Variants in SPTBN1 observed in about 807,000 individuals in gnomAD.
SPTBN1 encodes the protein spectrin beta, non-erythrocytic 1, also known as spectrin beta chain, non-erythrocytic 1.
A neutral mutation model predicts 266.4 loss-of-function variants in SPTBN1; 32 were observed. The ratio of observed to expected loss-of-function variants is 0.12; its 90% CI spans 0.09 to 0.16. SPTBN1 has a LOEUF of 0.16. Among genes scored for constraint, SPTBN1 ranks in the 10% least tolerant of loss-of-function variants. The pLI is 1.00. For synonymous variants in SPTBN1, 1,336 were observed against 1,162.2 expected (o/e 1.15, Z -3.04); for missense variants, 2,296 against 3,067.1 (o/e 0.75, Z 5.94).
chr2:54,661,479 G>C (rs182015606), intron 32 of SPTBN1: 35 of 985,640 alleles, frequency 3.6e-5, no homozygotes, highest in Non-Finnish European at 4.1e-5. Flanking sequence ...ATAGCATCTT[G>C]TTTGTTTTTC....
chr2:54,602,895 A>G (rs1178726814), intron 3 of SPTBN1, among the ~76,000 whole-genome samples: 2 of 152,194 alleles, frequency 1.3e-5, no homozygotes, highest in East Asian at 1.9e-4. Flanking sequence ...ACTGGTACAT[A>G]TTGTTTATTG....
chr2:54,654,482 G>A (rs1471465718), intron 27 of SPTBN1, among the ~76,000 whole-genome samples: 1 of 152,168 alleles, frequency 6.6e-6, no homozygotes, highest in Non-Finnish European at 1.5e-5. Context: ...GAGAAACTAT[G>A]CTGCAATAAA....
rs1680449177 is a variant in SPTBN1, at chr2:54,653,569, CCA to C, written c.5578-39_5578-38del. On this transcript the variant is annotated intron_variant, in intron 26 of 35. Transcript: ENST00000356805. The surrounding 1 kb of genome is among the most constrained non-coding windows in gnomAD (Gnocchi z 5.1). ...GCTTGGGGTGATGGTGGGAAGGCCG[CCA>C]TGGGCTGACCTGGCTCATCCCCTAC... is the stretch of plus-strand genomic sequence containing the variant. 6.2e-7 allele frequency: 1 copy of C among 1,602,364 alleles called. No individual in the cohort carries two copies. Among genetic ancestry groups the C allele is most frequent in the African/African-American group, 1.3e-5 (1 of 74,192 alleles).
At chr2:54,647,906 C>T (rs997587924) in intron 24 of SPTBN1, among the ~76,000 whole-genome samples, 1 of 152,120 alleles carries the variant, frequency 6.6e-6, no homozygotes, top group African/African-American at 2.4e-5. Flanking sequence ...AGTCATAGCA[C>T]TTACACTTGG....
chr2:54,473,962 G>T (rs999964104), intron 1 of SPTBN1, among the ~76,000 whole-genome samples: 2 of 152,196 alleles, frequency 1.3e-5, no homozygotes, highest in Admixed American at 6.5e-5. Context: ...TCTACTGGGG[G>T]ATGCAGTCAG....
chr2:54,566,204 G>A (rs1043760263), intron 2 of SPTBN1, among the ~76,000 whole-genome samples: 1 of 38,276 alleles, frequency 2.6e-5, no homozygotes, highest in Non-Finnish European at 5.8e-5. Flanking sequence ...TTTTTTTTTT[G>A]TTGAGATGGA....
chr2:54,535,655 C>G (rs1000868847), intron 2 of SPTBN1, among the ~76,000 whole-genome samples: 3 of 152,222 alleles, frequency 2.0e-5, no homozygotes, highest in South Asian at 2.1e-4. Flanking sequence ...TCTGTAAAAG[C>G]TACTAGTACC....
At chr2:54,543,781 C>A (rs907234547) in intron 2 of SPTBN1, among the ~76,000 whole-genome samples, 1 of 151,942 alleles carries the variant, frequency 6.6e-6, no homozygotes, top group Admixed American at 6.6e-5. Context: ...ATTGGTCCCC[C>A]CTCCCACCCC....
chr2:54,458,993 C>CT (rs769185620), intron 1 of SPTBN1, among the ~76,000 whole-genome samples: 14 of 152,244 alleles, frequency 9.2e-5, no homozygotes, highest in African/African-American at 2.6e-4. Context: ...AAATATGAGA[C>CT]TTTTTGTGCT....
intron 1 of SPTBN1, among the ~76,000 whole-genome samples, chr2:54,476,957 A>T (rs1425932486): frequency 6.6e-6 from 1 of 152,062 alleles, no homozygotes; most frequent in Non-Finnish European, 1.5e-5. Context: ...CTTTGACCAC[A>T]TATCTTAGTG....
intron 2 of SPTBN1, among the ~76,000 whole-genome samples, chr2:54,591,618 C>CTTTT (rs1045997587): frequency 6.6e-5 from 10 of 152,054 alleles, no homozygotes; most frequent in Admixed American, 5.9e-4. Flanking sequence ...TCTATGTTTC[C>CTTTT]TTTTTTTTCC....
chr2:54,526,873 A>T, intron 2 of SPTBN1: 1 of 235,556 alleles, frequency 4.2e-6, no homozygotes, highest in Non-Finnish European at 8.3e-6. Flanking sequence ...ATATCAAAGC[A>T]TACTATTCCT....
At position 54,629,038 on chromosome 2, in the gene SPTBN1, A is replaced by G; in HGVS notation, c.1904A>G (p.Glu635Gly). 1 of 1,613,636 alleles carries G rather than the reference A, an allele frequency of 6.2e-7. No individual in the cohort carries two copies. Residue 635 changes from glutamate (E) to glycine (G), a missense_variant, in exon 14 of 36, where the codon GAA becomes GGA. By Grantham distance (98) the Glu-to-Gly change is moderately conservative. Around this residue, in one of 12 missense-constraint regions of SPTBN1, gnomAD observed 434 missense variants for 573.9 expected, o/e 0.76. Coordinates refer to ENST00000356805, the MANE Select transcript of SPTBN1 (RefSeq NM_003128.3). ...QLAAERRARL[E>G]ESRRLWKFFW... ...GCGGCTGAGCGCAGGGCCCGTCTGG[A>G]AGAGTCCCGCCGCCTCTGGAAGTTC...
At chr2:54,572,237 G>A (rs1029954823) in intron 2 of SPTBN1, among the ~76,000 whole-genome samples, 6 of 152,100 alleles carry the variant, frequency 3.9e-5, no homozygotes, top group Non-Finnish European at 8.8e-5. Flanking sequence ...TGAATGAGAT[G>A]GGGCAAGAAT....
intron 1 of SPTBN1, among the ~76,000 whole-genome samples, chr2:54,486,750 GAA>G (rs969063999): frequency 1.3e-5 from 2 of 148,744 alleles, no homozygotes; most frequent in Non-Finnish European, 3.0e-5. Flanking sequence ...AAAAAAAAAA[GAA>G]AATCTAAGTT....
At chr2:54,459,633 C>G (rs891987554) in intron 1 of SPTBN1, among the ~76,000 whole-genome samples, 1 of 152,106 alleles carries the variant, frequency 6.6e-6, no homozygotes, top group African/African-American at 2.4e-5. Context: ...CATGATGCTC[C>G]TTTAATTATG....
chr2:54,658,317 T>G (rs1250766786), intron 30 of SPTBN1, among the ~76,000 whole-genome samples: 1 of 152,152 alleles, frequency 6.6e-6, no homozygotes, highest in Non-Finnish European at 1.5e-5. Flanking sequence ...GGTGTTTGCT[T>G]TTTTCTTCGA....
Position 54,558,439 on chromosome 2 carries a change from C to T in SPTBN1, c.148+31873C>T. 9.7e-7 allele frequency: 1 copy of T among 1,029,266 alleles called. No homozygotes were observed. Among genetic ancestry groups the T allele is most frequent in the Non-Finnish European group, 1.2e-6 (1 of 858,892 alleles). The allele number at this position is 1,029,266 out of a possible 1,614,324, so 63.8% of individuals were successfully genotyped here. A position where few individuals can be genotyped will look rare whatever the true frequency, so the allele number is the denominator to read the frequency against. ...GAGCTCCCGGGCTCGGCAACCGTGG[C>T]ATGCTTAGGATTGGCCATATTTAAA... is the stretch of plus-strand genomic sequence containing the variant. On this transcript the variant is annotated intron_variant, in intron 2 of 35. Coordinates refer to ENST00000356805, the MANE Select transcript of SPTBN1 (RefSeq NM_003128.3). The surrounding 1 kb of genome is among the most constrained non-coding windows in gnomAD (Gnocchi z 4.6).
chr2:54,502,059 T>A (rs1418057940), intron 1 of SPTBN1, among the ~76,000 whole-genome samples: 1 of 152,156 alleles, frequency 6.6e-6, no homozygotes, highest in South Asian at 2.1e-4. Context: ...TGCTAAACTC[T>A]GAGAGAGAGA....
Sources: allele counts gnomAD v4.1 joint callset (sites outside exome capture counted in the v4.1 genomes callset), GRCh38; gene constraint gnomAD v4.1.1; regional missense constraint gnomAD v4.1.1; non-coding constraint Gnocchi (gnomAD v3.1); transcripts MANE v1.5; gene names NCBI Gene and HGNC (gene_info 2026-07-23, HGNC 2026-07-21).